AKAP6: variants seen among roughly 807,000 people sequenced by gnomAD.
AKAP6 encodes A-kinase anchoring protein 6, also known as A-kinase anchor protein 6.
In AKAP6, 58 loss-of-function variants were observed where a neutral mutation model predicts 188.5. The observed-to-expected ratio is 0.31, with a 90% CI of 0.25 to 0.38. The LOEUF (loss-of-function observed/expected upper bound fraction) is 0.38, where lower values mean the gene tolerates loss of function less well. Among genes scored for constraint, AKAP6 ranks in the 10% least tolerant of loss-of-function variants. The pLI, the probability that AKAP6 is intolerant of heterozygous loss-of-function variation, is 1.00. For missense variants in AKAP6, 2,710 were observed against 2,740.0 expected, an observed-to-expected ratio of 0.99 and a Z score of 0.24; for synonymous variants, 989 against 998.6, an observed-to-expected ratio of 0.99 and a Z score of 0.18.
chr14:32,341,521 T>C (rs1594519105), intron 1 of AKAP6, among the ~76,000 whole-genome samples: 1 of 152,320 alleles, frequency 6.6e-6, no homozygotes, highest in East Asian at 1.9e-4. Flanking sequence ...ACTAGTGAAG[T>C]AGTGCAAAGA....
intron 5 of AKAP6, among the ~76,000 whole-genome samples, chr14:32,586,016 C>A (rs546029180): frequency 6.6e-6 from 1 of 151,998 alleles, no homozygotes. Flanking sequence ...AACAGGAGAA[C>A]GACATGAAAT....
intron 2 of AKAP6, among the ~76,000 whole-genome samples, chr14:32,443,434 C>A (rs1352022875): frequency 6.6e-6 from 1 of 151,688 alleles, no homozygotes; most frequent in Non-Finnish European, 1.5e-5. Context: ...AACAAAAAAA[C>A]CCCACACAAC....
intron 4 of AKAP6, among the ~76,000 whole-genome samples, chr14:32,565,257 A>T (rs938961877): frequency 6.6e-6 from 1 of 152,260 alleles, no homozygotes; most frequent in Non-Finnish European, 1.5e-5. Context: ...TTTATGATAC[A>T]TAATATCATA....
intron 7 of AKAP6, among the ~76,000 whole-genome samples, chr14:32,639,889 G>A (rs1439198791): frequency 6.6e-6 from 1 of 152,112 alleles, no homozygotes. Flanking sequence ...GTAGGACTGG[G>A]TGTGGGGTGA....
At chr14:32,577,967 C>T (rs1249418131) in intron 5 of AKAP6, among the ~76,000 whole-genome samples, 1 of 152,038 alleles carries the variant, frequency 6.6e-6, no homozygotes, top group South Asian at 2.1e-4. Context: ...AGAAAAAGCA[C>T]GTGTCATAGG....
At chr14:32,624,931 TTGTG>T (rs1011093701) in intron 7 of AKAP6, among the ~76,000 whole-genome samples, 2 of 152,080 alleles carry the variant, frequency 1.3e-5, no homozygotes, top group African/African-American at 2.4e-5. Context: ...TATGAAGGGT[TTGTG>T]TGTGTATTTG....
intron 4 of AKAP6, among the ~76,000 whole-genome samples, chr14:32,555,062 C>T (rs1256559336): frequency 6.6e-6 from 1 of 152,178 alleles, no homozygotes; most frequent in Non-Finnish European, 1.5e-5. Context: ...GTCCTAGAGA[C>T]ATCTATAATC....
chr14:32,725,457 T>G (rs186726907), intron 9 of AKAP6, among the ~76,000 whole-genome samples: 1 of 152,244 alleles, frequency 6.6e-6, no homozygotes, highest in Admixed American at 6.5e-5. Context: ...TCAGTAACTT[T>G]TTTTTCTTTT....
intron 7 of AKAP6, among the ~76,000 whole-genome samples, chr14:32,629,376 A>G (rs10135558): frequency 0.22 from 33,082 of 147,642 alleles, 4,467 homozygotes; most frequent in South Asian, 0.37. Context: ...ATCATAACAC[A>G]GCATAACAAT....
chr14:32,378,417 T>G (rs1888229632), intron 1 of AKAP6, among the ~76,000 whole-genome samples: 1 of 152,180 alleles, frequency 6.6e-6, no homozygotes, highest in African/African-American at 2.4e-5. Flanking sequence ...CCTTCCCCCA[T>G]GAAATATCTT....
intron 12 of AKAP6, among the ~76,000 whole-genome samples, chr14:32,805,337 CT>C (rs1191101338): frequency 6.6e-6 from 1 of 152,152 alleles, no homozygotes; most frequent in Non-Finnish European, 1.5e-5. Flanking sequence ...TCTAGTTATA[CT>C]TATCTTATGC....
intron 12 of AKAP6, among the ~76,000 whole-genome samples, chr14:32,788,765 C>T (rs181830469): frequency 6.6e-6 from 1 of 152,132 alleles, no homozygotes; most frequent in Non-Finnish European, 1.5e-5. Context: ...AAACAGAGAC[C>T]CAGGAGTTTT....
intron 5 of AKAP6, among the ~76,000 whole-genome samples, chr14:32,580,036 A>C (rs1225585369): frequency 1.3e-5 from 2 of 152,078 alleles, no homozygotes; most frequent in Non-Finnish European, 2.9e-5. Context: ...GCAACCTCCA[A>C]TATTTATTAT....
At chr14:32,686,996 T>C (rs1305362427) in intron 8 of AKAP6, among the ~76,000 whole-genome samples, 2 of 152,082 alleles carry the variant, frequency 1.3e-5, no homozygotes, top group Admixed American at 6.6e-5. Flanking sequence ...TAAATTTTCT[T>C]CCCAAATAGA....
intron 4 of AKAP6, among the ~76,000 whole-genome samples, chr14:32,556,064 A>G (rs937372927): frequency 2.0e-5 from 3 of 151,936 alleles, no homozygotes; most frequent in African/African-American, 7.3e-5. Context: ...CAATCCCACC[A>G]ACAGAGTACA....
chr14:32,710,724 A>G (rs1891019070), intron 9 of AKAP6, among the ~76,000 whole-genome samples: 1 of 152,118 alleles, frequency 6.6e-6, no homozygotes, highest in Admixed American at 6.6e-5. Context: ...GGAAGTAGGG[A>G]TAATAACACC....
intron 1 of AKAP6, among the ~76,000 whole-genome samples, chr14:32,363,928 G>A (rs1480301736): frequency 1.3e-5 from 2 of 152,230 alleles, no homozygotes; most frequent in African/African-American, 4.8e-5. Flanking sequence ...ATTCCATGGT[G>A]AGGGAGTAAC....
intron 11 of AKAP6, among the ~76,000 whole-genome samples, chr14:32,761,512 C>T (rs571541401): frequency 2.0e-5 from 3 of 152,044 alleles, no homozygotes; most frequent in Non-Finnish European, 2.9e-5. Flanking sequence ...TAGCCAACTA[C>T]GTATGGATGA....
intron 5 of AKAP6, among the ~76,000 whole-genome samples, chr14:32,587,121 CT>C (rs1885288039): frequency 6.6e-6 from 1 of 152,106 alleles, no homozygotes; most frequent in African/African-American, 2.4e-5. Context: ...TATTTCTTGT[CT>C]TCTAAGTGGC....
Sources: allele counts gnomAD v4.1 joint callset (sites outside exome capture counted in the v4.1 genomes callset), GRCh38; gene constraint gnomAD v4.1.1; transcripts MANE v1.5; gene names NCBI Gene and HGNC (gene_info 2026-07-23, HGNC 2026-07-21).